The following ZNF124 variants were observed in gnomAD, a reference collection of about 807,000 sequenced individuals.
The protein encoded by ZNF124 is zinc finger protein HZF-16.
ZNF124 carries 25 observed loss-of-function variants against 26.6 expected under a neutral mutation model. The observed-to-expected ratio is 0.94, with a 90% confidence interval of 0.68 to 1.31. The LOEUF (loss-of-function observed/expected upper bound fraction) is 1.31, where lower values mean the gene tolerates loss of function less well. Ranked by LOEUF, ZNF124 falls within the 40% of genes most tolerant of loss-of-function variation. ZNF124 has a pLI of 0.00. For missense variants in ZNF124, 444 were observed against 422.2 expected, an observed-to-expected ratio of 1.05 and a Z score of -0.45; for synonymous variants, 129 against 133.3, an observed-to-expected ratio of 0.97 and a Z score of 0.22.
In ZNF124 at chr1:247,156,627, G is replaced by T. The variant is rs1032714912; in HGVS notation, c.995C>A (p.Thr332Asn). 1.9e-6 allele frequency: 3 copies of T among 1,598,366 alleles called. No homozygotes were observed. The highest frequency in any genetic ancestry group is 2.6e-6 in the Non-Finnish European group (3 of 1,175,054). Residue 332 changes from threonine (T) to asparagine (N), a missense_variant, in exon 4 of 4, where the codon ACC becomes AAC. By Grantham distance (65) the Thr-to-Asn change is moderately conservative (BLOSUM62 0). Transcript: ENST00000543802. ...KCGKAFSRASTLWKHKKTHTG... is the reference protein window; with the variant it reads ...KCGKAFSRASNLWKHKKTHTG... ...ATGAGTTTTTTTATGCTTCCAAAGG[G>T]TACTAGCACGACTAAAGGCTTTGCC...
chr1:247,151,851 C>T (rs1013241238), downstream of ZNF124, among the ~76,000 whole-genome samples: 6 of 151,218 alleles, frequency 4.0e-5, no homozygotes, highest in African/African-American at 1.2e-4. Context: ...GCAGAATTAC[C>T]GAAAAACTCA....
At chr1:247,159,945 T>C in intron 1 of ZNF124, 132 bp from the exon 2 acceptor site, 1 of 983,308 alleles carries the variant, frequency 1.0e-6, no homozygotes, top group Non-Finnish European at 1.4e-6. Context: ...GAACTATGAC[T>C]CTGTCTACAC....
At chr1:247,153,057 C>T (rs1042087351), downstream of ZNF124, among the ~76,000 whole-genome samples, 4 of 151,092 alleles carry the variant, frequency 2.6e-5, no homozygotes, top group Non-Finnish European at 5.9e-5. Flanking sequence ...CGCTTGAACC[C>T]GGGAGGTGGA....
In ZNF124 at chr1:247,130,793, G is replaced by C. The variant is rs150891529; in HGVS notation, c.219-6922C>G. 4.7e-4 allele frequency among the ~76,000 whole-genome samples: 72 copies of C among 152,314 alleles called. No homozygotes were observed. In the East Asian group the frequency reaches 0.012, roughly 26 times the overall value. On this transcript the variant is annotated intron_variant, in intron 3 of 3. Coordinates refer to the ZNF124 transcript ENST00000472531. ...AGTATTTTTTCATTTGAAACAAAGT[G>C]GGGGCCAAGCGCGGTGGCTCACGCC...
intron 3 of ZNF124, chr1:247,138,473 G>C (rs1184354626): frequency 6.8e-6 from 2 of 295,942 alleles, no homozygotes; most frequent in African/African-American, 4.3e-5. Flanking sequence ...TTGGGGGTTG[G>C]GGGGTGAGGG....
intron 3 of ZNF124, among the ~76,000 whole-genome samples, chr1:247,136,552 A>C (rs1364830105): frequency 6.6e-6 from 1 of 152,224 alleles, no homozygotes; most frequent in Non-Finnish European, 1.5e-5. Flanking sequence ...TCAGTATCAC[A>C]AAAATGGCCA....
chr1:247,123,945 G>A, intron 3 of ZNF124: 1 of 701,040 alleles, frequency 1.4e-6, no homozygotes, highest in South Asian at 1.5e-5. Flanking sequence ...TATGCCCTTT[G>A]TGATGTGCTT....
At chr1:247,135,699 T>C (rs1001504148) in intron 3 of ZNF124, among the ~76,000 whole-genome samples, 1 of 152,152 alleles carries the variant, frequency 6.6e-6, no homozygotes, top group Non-Finnish European at 1.5e-5. Context: ...ATCATCCTGA[T>C]ACCAAAACCT....
At chr1:247,161,943 T>C (rs1572093567) in intron 1 of ZNF124, among the ~76,000 whole-genome samples, 2 of 152,150 alleles carry the variant, frequency 1.3e-5, no homozygotes, top group East Asian at 1.9e-4. Flanking sequence ...TTCTCTAATG[T>C]CCAGAAAATT....
intron 1 of ZNF124, among the ~76,000 whole-genome samples, chr1:247,166,764 A>G (rs1329318020): frequency 1.3e-5 from 2 of 152,246 alleles, no homozygotes; most frequent in Non-Finnish European, 2.9e-5. Flanking sequence ...TTGATGTAGT[A>G]ATCAGAACCC....
intron 3 of ZNF124, among the ~76,000 whole-genome samples, chr1:247,137,904 G>T (rs1423965169): frequency 6.6e-6 from 1 of 152,114 alleles, no homozygotes; most frequent in African/African-American, 2.4e-5. Flanking sequence ...AAAACAATGA[G>T]ATACCATCTC....
chr1:247,152,338 A>G (rs1352865321), downstream of ZNF124, among the ~76,000 whole-genome samples: 1 of 150,178 alleles, frequency 6.7e-6, no homozygotes, highest in Non-Finnish European at 1.5e-5. Flanking sequence ...ATAACTATAT[A>G]TGTAATTATA....
Position 247,125,430 on chromosome 1 carries a change from C to CTTTTTTTTT in ZNF124, c.219-1568_219-1560dup, listed in dbSNP as rs71566695. Among the ~76,000 whole-genome samples the CTTTTTTTTT allele has an allele frequency of 3.6e-3, 157 of 43,308 alleles. 17 individuals are homozygous for CTTTTTTTTT. The highest frequency in any genetic ancestry group is 6.9e-3 in the East Asian group (7 of 1,014). 28.4% of individuals were successfully genotyped at this position (43,308 alleles called of 152,430 possible). ...TATCTTCACCGACACCTGTTTTTGT[C>CTTTTTTTTT]TTTTTTTTTTTTTTTTTTTTTTTTT... is the stretch of plus-strand genomic sequence containing the variant. On this transcript the variant is annotated intron_variant, in intron 3 of 3. Coordinates refer to the ZNF124 transcript ENST00000472531.
rs540929153 is a variant in ZNF124, at chr1:247,157,201, G to C, written c.421C>G (p.Gln141Glu). The change falls in exon 4 of 4, where the codon CAG becomes GAG. Residue 141 changes from glutamine (Q) to glutamate (E), a missense_variant. Physicochemically the swap from Gln to Glu is conservative, Grantham distance 29. Transcript: ENST00000543802. Reference protein sequence around the residue: ...FNIPSSFQIHQRNHTGEKPYE... With the variant: ...FNIPSSFQIHERNHTGEKPYE... ...GGTTTCTCTCCAGTGTGATTTCTCT[G>C]ATGTATCTGAAATGAACTGGGAATA... 4 of 1,614,060 alleles carry C rather than the reference G, an allele frequency of 2.5e-6. No individual in the cohort carries two copies. The South Asian group carries it at 3.3e-5, about 13-fold the overall frequency.
chr1:247,165,036 G>A (rs1264324193), intron 1 of ZNF124, among the ~76,000 whole-genome samples: 2 of 151,654 alleles, frequency 1.3e-5, no homozygotes, highest in Admixed American at 6.6e-5. Context: ...GCACAATCTC[G>A]GCTCACTGCA....
intron 1 of ZNF124, among the ~76,000 whole-genome samples, chr1:247,164,507 G>C (rs974557792): frequency 6.6e-6 from 1 of 151,766 alleles, no homozygotes; most frequent in African/African-American, 2.4e-5. Flanking sequence ...ATTCACAATA[G>C]CCACAAAAAG....
intron 1 of ZNF124, among the ~76,000 whole-genome samples, chr1:247,162,823 A>G (rs897703295): frequency 1.3e-5 from 2 of 152,086 alleles, no homozygotes; most frequent in Non-Finnish European, 2.9e-5. Flanking sequence ...AAGAGACTTA[A>G]CCACAGAGTT....
At chr1:247,151,080 TAA>T (rs1455871731), downstream of ZNF124, among the ~76,000 whole-genome samples, 1 of 152,044 alleles carries the variant, frequency 6.6e-6, no homozygotes, top group African/African-American at 2.4e-5. Context: ...ATTCAATAAC[TAA>T]AAAGTGTGCT....
At chr1:247,128,239 C>G (rs539315379) in intron 3 of ZNF124, among the ~76,000 whole-genome samples, 85 of 151,566 alleles carry the variant, frequency 5.6e-4, no homozygotes, top group Non-Finnish European at 9.3e-4. Flanking sequence ...ATCACCTGAT[C>G]TAGTCCACTA....
Sources: gnomAD v4.1 joint callset for allele counts (sites outside exome capture counted in the v4.1 genomes callset) on GRCh38, gnomAD v4.1.1 for gene constraint, MANE v1.5 for transcripts, NCBI Gene and HGNC (gene_info 2026-07-23, HGNC 2026-07-21) for gene names.